The following OR1F1 variants were observed in gnomAD, a reference collection of about 807,000 sequenced individuals.
OR1F1 encodes olfactory receptor family 1 subfamily F member 1.
For synonymous variants in OR1F1, 184 were observed against 156.7 expected, an observed-to-expected ratio of 1.17 and a Z score of -1.30; for missense variants, 493 against 376.3, an observed-to-expected ratio of 1.31 and a Z score of -2.57.
chr16:3,204,570 G>C (rs574208759), exon 1 of OR1F1: 1 of 1,614,096 alleles, frequency 6.2e-7, no homozygotes, highest in African/African-American at 1.3e-5. Flanking sequence ...TCATGTTCGT[G>C]GACATGGACA....
upstream of OR1F1, among the ~76,000 whole-genome samples, chr16:3,199,801 A>T (rs1031823066): frequency 1.3e-5 from 2 of 152,072 alleles, no homozygotes; most frequent in African/African-American, 4.8e-5. Flanking sequence ...GGATCGCCTG[A>T]GGTCAGGAGT....
the OR1F1 span, among the ~76,000 whole-genome samples, chr16:3,198,578 A>G: frequency 6.6e-6 from 1 of 152,212 alleles, no homozygotes. Context: ...TGATGGTGGC[A>G]GCTGGCAGGA....
chr16:3,192,037 C>T, the OR1F1 span, among the ~76,000 whole-genome samples: 9 of 152,080 alleles, frequency 5.9e-5, no homozygotes, highest in South Asian at 4.1e-4. Context: ...CGAGAGGTCC[C>T]GGGTTCAAAT....
the OR1F1 span, among the ~76,000 whole-genome samples, chr16:3,189,309 G>C: frequency 6.6e-6 from 1 of 152,144 alleles, no homozygotes; most frequent in Non-Finnish European, 1.5e-5. Flanking sequence ...CCTGCTATTG[G>C]GAGGTTCCCA....
downstream of OR1F1, among the ~76,000 whole-genome samples, chr16:3,205,990 A>C (rs1314356131): frequency 6.6e-6 from 1 of 152,224 alleles, no homozygotes; most frequent in African/African-American, 2.4e-5. Flanking sequence ...GAATGGAGCC[A>C]TATTTTTCTT....
the OR1F1 span, among the ~76,000 whole-genome samples, chr16:3,192,018 C>G: frequency 8.5e-5 from 13 of 152,154 alleles, no homozygotes; most frequent in Admixed American, 2.0e-4. Flanking sequence ...ATGATTCTCG[C>G]TTAGGATGCG....
chr16:3,203,146 C>T (rs532042317), upstream of OR1F1, among the ~76,000 whole-genome samples: 83 of 152,274 alleles, frequency 5.5e-4, no homozygotes, highest in African/African-American at 1.9e-3. Flanking sequence ...TATGACAAAG[C>T]TTTATCGTCA....
At chr16:3,205,218 G>A, downstream of OR1F1, 1 of 1,514,484 alleles carries the variant, frequency 6.6e-7, no homozygotes, top group Non-Finnish European at 9.0e-7. Context: ...CATTCCCAAG[G>A]AAATTTATTT....
chr16:3,200,127 A>C (rs185494655), upstream of OR1F1, among the ~76,000 whole-genome samples: 303 of 152,224 alleles, frequency 2.0e-3, 1 homozygote, highest in African/African-American at 6.9e-3. Context: ...AAGATGCACG[A>C]GGGAGACTCC....
the OR1F1 span, among the ~76,000 whole-genome samples, chr16:3,192,051 G>C: frequency 0.052 from 7,874 of 152,146 alleles, 684 homozygotes; most frequent in African/African-American, 0.18. Flanking sequence ...TTCAAATCCC[G>C]GACGAGCCCC....
At position 3,204,978 on chromosome 16, in the gene OR1F1, C is replaced by G. The variant is rs1475567780; in HGVS notation, c.732C>G (p.His244Gln). ...AAGCCTTCTCCACCTGTGGTTCTCA[C>G]CTGGCTGTGGTTCTCCTCTTCTACA... Residue 244 changes from histidine to glutamine, a missense_variant, in exon 1 of 1, where the codon CAC becomes CAG. Transcript: ENST00000304646. The G allele has an allele frequency of 6.8e-6, 11 of 1,614,010 alleles. No homozygotes were observed. The highest frequency in any genetic ancestry group is 9.3e-6 in the Non-Finnish European group (11 of 1,180,008).
chr16:3,195,023 G>A, the OR1F1 span, among the ~76,000 whole-genome samples: 1 of 152,224 alleles, frequency 6.6e-6, no homozygotes, highest in Non-Finnish European at 1.5e-5. Context: ...CCAGATTGGC[G>A]TGTCACTCAG....
chr16:3,195,612 T>G, the OR1F1 span, among the ~76,000 whole-genome samples: 1 of 148,482 alleles, frequency 6.7e-6, no homozygotes, highest in African/African-American at 2.5e-5. Flanking sequence ...AGCCCGGGAG[T>G]TGGAGGTTGC....
chr16:3,201,570 C>G (rs191483638), upstream of OR1F1, among the ~76,000 whole-genome samples: 9 of 152,258 alleles, frequency 5.9e-5, no homozygotes, highest in East Asian at 1.4e-3. Context: ...TGACAATGTC[C>G]ATCACTGGAT....
At chr16:3,196,434 A>G in the OR1F1 span, among the ~76,000 whole-genome samples, 1 of 151,926 alleles carries the variant, frequency 6.6e-6, no homozygotes, top group South Asian at 2.1e-4. Context: ...CCCAGGCTGG[A>G]GGGCAGTGGT....
At chr16:3,192,288 C>G in the OR1F1 span, among the ~76,000 whole-genome samples, 81 of 152,278 alleles carry the variant, frequency 5.3e-4, no homozygotes, top group Non-Finnish European at 7.4e-5. Flanking sequence ...GATCTGACCT[C>G]GTGATCCGCC....
chr16:3,193,510 AG>A, the OR1F1 span, among the ~76,000 whole-genome samples: 2 of 152,268 alleles, frequency 1.3e-5, no homozygotes, highest in Non-Finnish European at 2.9e-5. Flanking sequence ...CGCAGACTGC[AG>A]AGCTCTACGG....
At chr16:3,188,565 G>A in the OR1F1 span, 1 of 152,126 alleles carries the variant, frequency 6.6e-6, no homozygotes, top group Non-Finnish European at 1.5e-5. Context: ...GAGTGAGTGA[G>A]AGGAGGGAGG....
chr16:3,203,767 A>C (rs1461116668), upstream of OR1F1, among the ~76,000 whole-genome samples: 1 of 152,206 alleles, frequency 6.6e-6, no homozygotes, highest in Non-Finnish European at 1.5e-5. Context: ...CGTTTAAAAA[A>C]AGAAATAAAA....
Sources: gnomAD v4.1 joint callset for allele counts (sites outside exome capture counted in the v4.1 genomes callset) on GRCh38, gnomAD v4.1.1 for gene constraint, MANE v1.5 for transcripts, NCBI Gene and HGNC (gene_info 2026-07-23, HGNC 2026-07-21) for gene names.